Variants in CSMD1 observed in about 807,000 individuals in gnomAD.
The protein encoded by CSMD1 is CUB and Sushi multiple domains 1.
CSMD1 carries 213 observed loss-of-function variants against 417.5 expected under a neutral mutation model. The observed-to-expected ratio is 0.51, with a 90% CI of 0.46 to 0.57. CSMD1 has a LOEUF of 0.57. CSMD1 is among the 20% of genes least tolerant of loss of function. The probability of loss-of-function intolerance (pLI) is 0.00; values close to 1 mark genes in which losing one functional copy is unlikely to be tolerated. For missense variants in CSMD1, 6,923 were observed against 4,529.7 expected, an observed-to-expected ratio of 1.53 and a Z score of -15.17; for synonymous variants, 2,862 against 1,736.8, an observed-to-expected ratio of 1.65 and a Z score of -16.11.
chr8:2,978,879 T>C, intron 54 of CSMD1, 79 bp from the exon 55 acceptor site: 2 of 1,166,264 alleles, frequency 1.7e-6, no homozygotes, highest in South Asian at 1.8e-5. Context: ...GAAGGCGAAT[T>C]CCTCATCATT....
intron 54 of CSMD1, among the ~76,000 whole-genome samples, chr8:2,996,675 C>A (rs1806927398): frequency 6.6e-6 from 1 of 152,168 alleles, no homozygotes; most frequent in South Asian, 2.1e-4. Context: ...AGTTCAACTG[C>A]CAAAAAGATT....
intron 3 of CSMD1, among the ~76,000 whole-genome samples, chr8:4,261,597 A>G (rs1008554139): frequency 6.6e-6 from 1 of 151,968 alleles, no homozygotes; most frequent in African/African-American, 2.4e-5. Flanking sequence ...TTTTATAGAG[A>G]TGAGGTCTTG....
At chr8:4,928,852 C>T (rs1046063324) in intron 1 of CSMD1, among the ~76,000 whole-genome samples, 1 of 152,092 alleles carries the variant, frequency 6.6e-6, no homozygotes, top group Non-Finnish European at 1.5e-5. Context: ...AGTGGATCAC[C>T]TGAGGTTGGG....
chr8:4,808,660 G>A (rs913478409), intron 1 of CSMD1, among the ~76,000 whole-genome samples: 5 of 152,052 alleles, frequency 3.3e-5, no homozygotes, highest in South Asian at 2.1e-4. Flanking sequence ...TTGGACAATC[G>A]GTTTCAACCA....
chr8:4,661,882 T>C (rs548603887), intron 1 of CSMD1, among the ~76,000 whole-genome samples: 1 of 152,192 alleles, frequency 6.6e-6, no homozygotes, highest in African/African-American at 2.4e-5. Context: ...GACGGTAGCA[T>C]GCTGAGACAA....
At chr8:3,497,736 T>G (rs986224082) in intron 10 of CSMD1, among the ~76,000 whole-genome samples, 1 of 152,224 alleles carries the variant, frequency 6.6e-6, no homozygotes, top group Non-Finnish European at 1.5e-5. Context: ...ATATTGCTTT[T>G]TAAATTATAT....
intron 1 of CSMD1, among the ~76,000 whole-genome samples, chr8:4,949,496 G>C (rs1808591953): frequency 6.6e-6 from 1 of 152,092 alleles, no homozygotes; most frequent in Non-Finnish European, 1.5e-5. Context: ...TCTCAACCAG[G>C]GGCAATTCTG....
chr8:4,899,463 CAT>C (rs1804721154), intron 1 of CSMD1, among the ~76,000 whole-genome samples: 2 of 152,084 alleles, frequency 1.3e-5, no homozygotes, highest in African/African-American at 2.4e-5. Flanking sequence ...TACGCATGTC[CAT>C]AGTCAATTAA....
At chr8:3,215,474 G>C (rs919563338) in intron 29 of CSMD1, among the ~76,000 whole-genome samples, 1 of 152,140 alleles carries the variant, frequency 6.6e-6, no homozygotes, top group Non-Finnish European at 1.5e-5. Flanking sequence ...ACCTCTGCCA[G>C]GAAAGGATCA....
intron 6 of CSMD1, among the ~76,000 whole-genome samples, chr8:3,718,635 A>T (rs924729121): frequency 3.3e-5 from 5 of 152,206 alleles, no homozygotes; most frequent in Non-Finnish European, 7.3e-5. Flanking sequence ...TCATTGTGTC[A>T]AGGTAGTATG....
At chr8:4,013,728 G>A (rs1048843135) in intron 4 of CSMD1, among the ~76,000 whole-genome samples, 1 of 152,116 alleles carries the variant, frequency 6.6e-6, no homozygotes, top group African/African-American at 2.4e-5. Flanking sequence ...ACAAATGTTG[G>A]CGAACTATAG....
intron 3 of CSMD1, among the ~76,000 whole-genome samples, chr8:4,104,442 A>ACG (rs1476670808): frequency 3.9e-5 from 6 of 152,008 alleles, no homozygotes; most frequent in Admixed American, 3.9e-4. Context: ...ACGCATGCAC[A>ACG]CACACACACA....
chr8:3,183,816 A>C (rs1355063817), intron 36 of CSMD1, among the ~76,000 whole-genome samples: 2 of 152,194 alleles, frequency 1.3e-5, no homozygotes, highest in Non-Finnish European at 2.9e-5. Flanking sequence ...GTGCATTCTA[A>C]ATATTTTCCC....
intron 8 of CSMD1, among the ~76,000 whole-genome samples, chr8:3,600,971 G>A (rs1347342441): frequency 6.6e-6 from 1 of 152,186 alleles, no homozygotes; most frequent in Non-Finnish European, 1.5e-5. Context: ...GAAATGTAAA[G>A]AACTATTCCA....
chr8:4,683,345 C>T (rs1387262122), intron 1 of CSMD1, among the ~76,000 whole-genome samples: 1 of 152,050 alleles, frequency 6.6e-6, no homozygotes, highest in Admixed American at 6.6e-5. Context: ...TACACAGGCC[C>T]ATTTGGAGTG....
chr8:3,786,048 A>G (rs1799440222), intron 5 of CSMD1, among the ~76,000 whole-genome samples: 1 of 152,018 alleles, frequency 6.6e-6, no homozygotes, highest in South Asian at 2.1e-4. Flanking sequence ...GGAAGAAGTG[A>G]TGTTTGGGAG....
intron 4 of CSMD1, among the ~76,000 whole-genome samples, chr8:4,023,238 C>T (rs1796877643): frequency 6.6e-6 from 1 of 152,166 alleles, no homozygotes; most frequent in Admixed American, 6.5e-5. Flanking sequence ...TGGCCATCTC[C>T]AAATCACCGC....
intron 12 of CSMD1, among the ~76,000 whole-genome samples, chr8:3,415,708 T>C (rs1813093321): frequency 1.3e-5 from 2 of 152,208 alleles, no homozygotes; most frequent in South Asian, 4.1e-4. Context: ...TGTATTTATA[T>C]GAAGATTTTA....
At chr8:4,098,190 A>C (rs1448480323) in intron 3 of CSMD1, among the ~76,000 whole-genome samples, 1 of 152,210 alleles carries the variant, frequency 6.6e-6, no homozygotes, top group Non-Finnish European at 1.5e-5. Flanking sequence ...AATAAAGCTA[A>C]TTTCAACACA....
Sources: allele counts gnomAD v4.1 joint callset (sites outside exome capture counted in the v4.1 genomes callset), GRCh38; gene constraint gnomAD v4.1.1; transcripts MANE v1.5; gene names NCBI Gene and HGNC (gene_info 2026-07-23, HGNC 2026-07-21).